The following PPHLN1 variants were observed in gnomAD, a reference collection of about 807,000 sequenced individuals.
The protein encoded by PPHLN1 is periphilin 1.
In PPHLN1, 29 loss-of-function variants were observed where a neutral mutation model predicts 51.3. The ratio of observed to expected loss-of-function variants is 0.57; its 90% confidence interval spans 0.42 to 0.77. PPHLN1 has a LOEUF of 0.77. Ranked by LOEUF, PPHLN1 falls within the 30% of genes least tolerant of loss-of-function variation. PPHLN1 has a pLI of 0.00. For missense variants in PPHLN1, 436 were observed against 438.4 expected, an observed-to-expected ratio of 0.99 and a Z score of 0.05; for synonymous variants, 147 against 147.8, an observed-to-expected ratio of 0.99 and a Z score of 0.04.
chr12:42,358,604 C>T (rs960236431), intron 4 of PPHLN1, among the ~76,000 whole-genome samples: 2 of 152,158 alleles, frequency 1.3e-5, no homozygotes, highest in Non-Finnish European at 2.9e-5. Flanking sequence ...TGAGGTCTCA[C>T]TTTATTGCCT....
chr12:42,395,811 A>T (rs114345889), intron 8 of PPHLN1, among the ~76,000 whole-genome samples: 1 of 152,200 alleles, frequency 6.6e-6, no homozygotes, highest in Non-Finnish European at 1.5e-5. Flanking sequence ...TTTCATTATT[A>T]TGAGCTGAGA....
chr12:42,336,168 T>G (rs1458639361), intron 2 of PPHLN1, among the ~76,000 whole-genome samples, 194 bp downstream of exon 2: 1 of 152,148 alleles, frequency 6.6e-6, no homozygotes. Context: ...AGTAGAAAAC[T>G]TATTATTTAT....
chr12:42,430,600 A>C (rs538283475), intron 9 of PPHLN1, among the ~76,000 whole-genome samples: 16 of 151,896 alleles, frequency 1.1e-4, no homozygotes, highest in Non-Finnish European at 1.6e-4. Flanking sequence ...CGGTTCAAGC[A>C]ATTCTGCCCC....
At chr12:42,383,927 T>TGAACTGA (rs992746385) in intron 5 of PPHLN1, among the ~76,000 whole-genome samples, 5 of 128,984 alleles carry the variant, frequency 3.9e-5, no homozygotes, top group African/African-American at 1.4e-4. Context: ...GAGGTTGCAC[T>TGAACTGA]GAACTGAGAT....
chr12:42,447,243 T>TA (rs2083362637), downstream of PPHLN1: 1 of 152,390 alleles, frequency 6.6e-6, no homozygotes, highest in East Asian at 1.9e-4. Context: ...TAAATTTTTT[T>TA]ATAGGCCCAT....
downstream of PPHLN1, chr12:42,442,600 A>ACCT (rs1428576104): frequency 1.2e-6 from 2 of 1,612,548 alleles, no homozygotes; most frequent in Non-Finnish European, 1.7e-6. Context: ...TACACAAAAT[A>ACCT]CCTGCGTCTG....
intron 9 of PPHLN1, among the ~76,000 whole-genome samples, chr12:42,414,144 C>T (rs2080151568): frequency 6.6e-6 from 1 of 152,126 alleles, no homozygotes; most frequent in East Asian, 1.9e-4. Flanking sequence ...TCAAGCGATT[C>T]TCCTGCCTGT....
chr12:42,444,934 T>A (rs951497110), downstream of PPHLN1: 63 of 628,974 alleles, frequency 1.0e-4, no homozygotes, highest in South Asian at 6.6e-4. Flanking sequence ...CCATCGAGAT[T>A]TACTAGTACT....
chr12:42,392,577 T>A (rs2077822900), intron 7 of PPHLN1, among the ~76,000 whole-genome samples: 1 of 152,120 alleles, frequency 6.6e-6, no homozygotes. Context: ...ACCAAGGAAG[T>A]AGAATGGAAT....
In PPHLN1 at chr12:42,400,467, C is replaced by CAA. The variant is rs34462402; in HGVS notation, c.909+1490_909+1491dup. On this transcript the variant is annotated intron_variant, in intron 9 of 9. Transcript: ENST00000358314. The stretch of plus-strand genomic sequence containing the variant: ...TGGGCGACAGAGCGAGACTCCGTCT[C>CAA]AAAAAAAAAAAAAAAAAAGAAATAC... The CAA allele has an allele frequency of 6.6e-3, 628 of 95,282 alleles. 5 individuals carry two copies. Among genetic ancestry groups the CAA allele is most frequent in the Non-Finnish European group, 7.8e-3 (375 of 47,950 alleles). 5.9% of individuals were successfully genotyped at this position (95,282 alleles called of 1,614,324 possible).
At chr12:42,382,271 T>C (rs2076817758) in intron 5 of PPHLN1, among the ~76,000 whole-genome samples, 1 of 152,236 alleles carries the variant, frequency 6.6e-6, no homozygotes, top group African/African-American at 2.4e-5. Context: ...TTTACCTCAA[T>C]AGGAAAAACA....
chr12:42,346,557 G>C (rs963847229), intron 2 of PPHLN1, among the ~76,000 whole-genome samples: 3 of 152,150 alleles, frequency 2.0e-5, no homozygotes, highest in African/African-American at 7.2e-5. Flanking sequence ...ATGGAAGTGT[G>C]AATATCTTGA....
At chr12:42,354,559 C>T (rs1433600420) in intron 3 of PPHLN1, among the ~76,000 whole-genome samples, 1 of 152,026 alleles carries the variant, frequency 6.6e-6, no homozygotes, top group Admixed American at 6.6e-5. Context: ...CTATATGGTT[C>T]TTTTTTATGT....
chr12:42,388,220 C>T (rs1374984198), intron 7 of PPHLN1, among the ~76,000 whole-genome samples: 1 of 152,142 alleles, frequency 6.6e-6, no homozygotes, highest in African/African-American at 2.4e-5. Flanking sequence ...TCCTGCCTGC[C>T]CTGGGAACTG....
At chr12:42,350,244 G>T in intron 2 of PPHLN1, 1 of 159,364 alleles carries the variant, frequency 6.3e-6, no homozygotes, top group South Asian at 2.0e-4. Context: ...TCACCTCCCA[G>T]ACGGGGTGGT....
chr12:42,441,798 G>A lies in PPHLN1; in HGVS notation c.*289G>A, dbSNP rs1185644664. ...GCCTCTCAAAGTGTTGAGATTACAG[G>A]CGTGAGCCACCGCTCCCTGCCCAAC... On this transcript the variant is annotated 3_prime_UTR_variant, in exon 10 of 10. Coordinates refer to ENST00000358314, the MANE Select transcript of PPHLN1 (RefSeq NM_201439.2). The A allele has an allele frequency of 9.0e-7, 1 of 1,112,702 alleles. No individual in the cohort carries two copies. Among genetic ancestry groups the A allele is most frequent in the South Asian group, 3.7e-5 (1 of 26,756 alleles). 68.9% of individuals were successfully genotyped at this position (1,112,702 alleles called of 1,614,324 possible).
intron 9 of PPHLN1, among the ~76,000 whole-genome samples, chr12:42,436,447 A>G (rs951463645): frequency 1.3e-5 from 2 of 152,194 alleles, no homozygotes; most frequent in Admixed American, 6.5e-5. Flanking sequence ...GTCCAGACTC[A>G]TGTACTTAAC....
intron 4 of PPHLN1, among the ~76,000 whole-genome samples, chr12:42,365,967 A>G (rs1462690323): frequency 6.6e-6 from 1 of 152,192 alleles, no homozygotes; most frequent in Non-Finnish European, 1.5e-5. Flanking sequence ...AGAAACCTAT[A>G]GTTTTGAAAG....
intron 1 of PPHLN1, among the ~76,000 whole-genome samples, chr12:42,335,072 TCTTGTTTGC>T (rs1190058136): frequency 6.6e-6 from 1 of 152,206 alleles, no homozygotes. Flanking sequence ...TCTCATTTTC[TCTTGTTTGC>T]CTTGTTTACC....
Sources: allele counts gnomAD v4.1 joint callset (sites outside exome capture counted in the v4.1 genomes callset), GRCh38; gene constraint gnomAD v4.1.1; transcripts MANE v1.5; gene names NCBI Gene and HGNC (gene_info 2026-07-23, HGNC 2026-07-21).